CCND3: variants seen among roughly 807,000 people sequenced by gnomAD.
CCND3 encodes the protein G1/S-specific cyclin-D3.
CCND3 carries 9 observed loss-of-function variants against 28.7 expected under a neutral mutation model. The ratio of observed to expected loss-of-function variants is 0.31; its 90% CI spans 0.19 to 0.55. The LOEUF is 0.55. Ranked by LOEUF, CCND3 falls within the 20% of genes least tolerant of loss-of-function variation. CCND3 has a pLI of 0.93. For synonymous variants in CCND3, 164 were observed against 163.9 expected (o/e 1.00, Z 0.00); for missense variants, 315 against 385.8 (o/e 0.82, Z 1.54).
At chr6:42,040,868 C>CAAAAAAAAAAAAAAAAAAAAA (rs142222742) in intron 1 of CCND3, among the ~76,000 whole-genome samples, 1 of 122,580 alleles carries the variant, frequency 8.2e-6, no homozygotes, top group Non-Finnish European at 1.8e-5. Context: ...AACAAACAAA[C>CAAAAAAAAAAAAAAAAAAAAA]AAAAAAAAAA....
intron 1 of CCND3, among the ~76,000 whole-genome samples, chr6:41,966,044 C>T (rs1408490920): frequency 1.3e-5 from 2 of 152,032 alleles, no homozygotes; most frequent in Non-Finnish European, 2.9e-5. Context: ...GTGACCTTGG[C>T]CAAATTACTT....
chr6:42,030,253 G>T (rs1286701763), intron 1 of CCND3: 1 of 152,280 alleles, frequency 6.6e-6, no homozygotes, highest in Non-Finnish European at 1.5e-5. Context: ...TGAGGGATTG[G>T]TCCAGCTCCA....
intron 1 of CCND3, among the ~76,000 whole-genome samples, chr6:41,949,572 G>A (rs376172804): frequency 5.9e-5 from 9 of 151,938 alleles, no homozygotes; most frequent in Middle Eastern, 3.4e-3. Context: ...GGGAGGCGGC[G>A]ACAGAGCGAG....
At chr6:41,959,969 A>AT (rs1267885638) in intron 1 of CCND3, among the ~76,000 whole-genome samples, 1 of 151,698 alleles carries the variant, frequency 6.6e-6, no homozygotes, top group Non-Finnish European at 1.5e-5. Flanking sequence ...AAAAAAAAAA[A>AT]TGGAAACAAC....
chr6:41,950,988 G>A (rs920522777), intron 1 of CCND3, among the ~76,000 whole-genome samples: 1 of 151,996 alleles, frequency 6.6e-6, no homozygotes, highest in African/African-American at 2.4e-5. Flanking sequence ...GATTACAGGC[G>A]TGAGCCACTG....
chr6:41,949,580 G>A (rs929954486), intron 1 of CCND3, among the ~76,000 whole-genome samples: 4 of 151,970 alleles, frequency 2.6e-5, no homozygotes, highest in Non-Finnish European at 4.4e-5. Context: ...GCGACAGAGC[G>A]AGACTCCGTC....
At chr6:42,020,775 G>A (rs892933730) in intron 1 of CCND3, among the ~76,000 whole-genome samples, 4 of 152,198 alleles carry the variant, frequency 2.6e-5, no homozygotes, top group South Asian at 2.1e-4. Context: ...TATTGAGACG[G>A]AGTTTCGCTC....
upstream of CCND3, among the ~76,000 whole-genome samples, chr6:41,944,412 T>A (rs367605262): frequency 3.8e-4 from 58 of 152,192 alleles, no homozygotes; most frequent in South Asian, 0.012. Flanking sequence ...ATAGAAGGGT[T>A]TTTTGTGTTT....
At chr6:42,045,578 A>G (rs1474959190) in intron 1 of CCND3, among the ~76,000 whole-genome samples, 2 of 152,212 alleles carry the variant, frequency 1.3e-5, no homozygotes, top group Non-Finnish European at 2.9e-5. Flanking sequence ...GCCAAAGAAG[A>G]GACTTTCTGG....
intron 1 of CCND3, among the ~76,000 whole-genome samples, chr6:42,037,378 C>CA (rs1031976221): frequency 1.3e-5 from 2 of 151,950 alleles, no homozygotes; most frequent in African/African-American, 4.8e-5. Context: ...GCTGGGACTA[C>CA]AGGCATGCAC....
At chr6:42,025,766 T>C (rs914034475) in intron 1 of CCND3, among the ~76,000 whole-genome samples, 33 of 152,030 alleles carry the variant, frequency 2.2e-4, no homozygotes, top group African/African-American at 7.3e-4. Flanking sequence ...TGGTCTCTCC[T>C]CCCCAGGGAG....
At chr6:41,952,831 T>TGA (rs1561958653) in intron 1 of CCND3, among the ~76,000 whole-genome samples, 1 of 151,862 alleles carries the variant, frequency 6.6e-6, no homozygotes, top group Non-Finnish European at 1.5e-5. Flanking sequence ...TGTGTGTGTG[T>TGA]GACATGAAAC....
At chr6:42,046,181 G>C (rs189190121) in intron 1 of CCND3, among the ~76,000 whole-genome samples, 1 of 152,266 alleles carries the variant, frequency 6.6e-6, no homozygotes, top group East Asian at 1.9e-4. Flanking sequence ...CCAAACCTGT[G>C]GGGAGGGCCC....
intron 1 of CCND3, among the ~76,000 whole-genome samples, chr6:42,038,963 T>C (rs1455905430): frequency 6.6e-6 from 1 of 152,174 alleles, no homozygotes; most frequent in African/African-American, 2.4e-5. Flanking sequence ...ACCATAAAAG[T>C]ATGCATACTG....
intron 1 of CCND3, chr6:41,940,890 G>C: frequency 1.4e-6 from 2 of 1,465,164 alleles, no homozygotes; most frequent in Non-Finnish European, 1.9e-6. Flanking sequence ...GGGACGCAAG[G>C]GTCACCCATG....
chr6:41,946,325 G>A (rs933345129), upstream of CCND3, among the ~76,000 whole-genome samples: 5 of 152,018 alleles, frequency 3.3e-5, no homozygotes, highest in South Asian at 6.2e-4. Flanking sequence ...GGCCGGGCAC[G>A]GTGGCTCACA....
intron 1 of CCND3, among the ~76,000 whole-genome samples, chr6:41,971,787 C>T (rs1470943156): frequency 1.3e-5 from 2 of 151,426 alleles, no homozygotes; most frequent in Non-Finnish European, 2.9e-5. Flanking sequence ...ATCCGCCCGC[C>T]TCGGCCTCCC....
chr6:41,940,289 G>C, intron 2 of CCND3, 81 bp downstream of exon 2: 2 of 1,279,458 alleles, frequency 1.6e-6, no homozygotes, highest in Non-Finnish European at 2.3e-6. Context: ...GGGGCAGAAA[G>C]CCTCTGATAT....
intron 1 of CCND3, among the ~76,000 whole-genome samples, chr6:41,994,844 T>C (rs1762749860): frequency 6.6e-6 from 1 of 151,938 alleles, no homozygotes; most frequent in African/African-American, 2.4e-5. Flanking sequence ...GAGTCCGAGG[T>C]GGGCAGATCA....
Sources: gnomAD v4.1 joint callset for allele counts (sites outside exome capture counted in the v4.1 genomes callset) on GRCh38, gnomAD v4.1.1 for gene constraint, MANE v1.5 for transcripts, NCBI Gene and HGNC (gene_info 2026-07-23, HGNC 2026-07-21) for gene names.